The following KIF25 variants were observed in gnomAD, a reference collection of about 807,000 sequenced individuals.
The protein encoded by KIF25 is kinesin-like protein KIF25.
A neutral mutation model predicts 32.9 loss-of-function variants in KIF25; 19 were observed. The observed-to-expected ratio is 0.58, with a 90% CI of 0.40 to 0.85. The LOEUF is 0.85. Among genes scored for constraint, KIF25 ranks in the 40% least tolerant of loss-of-function variants. KIF25 has a pLI of 0.00. For missense variants in KIF25, 485 were observed against 507.0 expected (o/e 0.96, Z 0.42); for synonymous variants, 225 against 213.7 (o/e 1.05, Z -0.46).
chr6:168,040,564 T>TAA (rs552500284), intron 10 of KIF25, among the ~76,000 whole-genome samples: 41 of 146,130 alleles, frequency 2.8e-4, no homozygotes, highest in African/African-American at 9.7e-4. Context: ...AAAACTCTGT[T>TAA]AAAAAAAAAA....
At chr6:168,040,996 C>T (rs1157020080) in intron 10 of KIF25, among the ~76,000 whole-genome samples, 1 of 152,190 alleles carries the variant, frequency 6.6e-6, no homozygotes, top group Non-Finnish European at 1.5e-5. Context: ...AGACACCACC[C>T]ATGCTCAGGT....
chr6:168,001,194 C>T (rs1297951711), intron 2 of KIF25, among the ~76,000 whole-genome samples: 3 of 152,160 alleles, frequency 2.0e-5, no homozygotes, highest in African/African-American at 7.2e-5. Flanking sequence ...AGAAGTGTTT[C>T]CGATGTTGAA....
chr6:168,022,203 A>G (rs1798796272), intron 5 of KIF25, among the ~76,000 whole-genome samples: 1 of 152,180 alleles, frequency 6.6e-6, no homozygotes, highest in South Asian at 2.1e-4. Context: ...TTTTGAGATG[A>G]TCGCCTTCCT....
intron 7 of KIF25, among the ~76,000 whole-genome samples, chr6:168,031,081 C>T (rs1280165401): frequency 6.6e-6 from 1 of 152,174 alleles, no homozygotes; most frequent in East Asian, 1.9e-4. Flanking sequence ...AGCATATCCA[C>T]CTGGGATTCC....
chr6:168,019,787 G>A (rs945774528), intron 5 of KIF25, among the ~76,000 whole-genome samples: 2 of 152,206 alleles, frequency 1.3e-5, no homozygotes, highest in African/African-American at 4.8e-5. Context: ...CAAATACAGC[G>A]GGAGTTGCAG....
intron 11 of KIF25, 142 bp downstream of exon 11, chr6:168,042,293 T>C: frequency 1.0e-6 from 1 of 955,806 alleles, no homozygotes; most frequent in African/African-American, 1.7e-5. Context: ...CCAAATCCCG[T>C]TACATTCTCA....
intron 12 of KIF25, 132 bp from the exon 13 acceptor site, chr6:168,044,695 T>A: frequency 2.3e-6 from 2 of 887,028 alleles, no homozygotes; most frequent in Non-Finnish European, 3.4e-6. Context: ...CTGCCAGACG[T>A]GGCCACTTTC....
chr6:168,024,878 T>C (rs1798838788), intron 5 of KIF25, among the ~76,000 whole-genome samples: 1 of 151,862 alleles, frequency 6.6e-6, no homozygotes, highest in East Asian at 2.0e-4. Context: ...TGGTGAAACC[T>C]CATCTCTACT....
At chr6:168,021,608 A>C (rs879621120) in intron 5 of KIF25, among the ~76,000 whole-genome samples, 1 of 152,344 alleles carries the variant, frequency 6.6e-6, no homozygotes, top group East Asian at 1.9e-4. Flanking sequence ...ATCTGGTGCA[A>C]CCATCACCAC....
At chr6:168,025,776 C>T (rs558548475) in intron 5 of KIF25, among the ~76,000 whole-genome samples, 1 of 152,162 alleles carries the variant, frequency 6.6e-6, no homozygotes, top group East Asian at 1.9e-4. Flanking sequence ...AAAGTAGGGT[C>T]GGATTAGGAA....
At chr6:168,029,840 C>T (rs1798916410) in intron 6 of KIF25, among the ~76,000 whole-genome samples, 163 bp downstream of exon 6, 1 of 152,088 alleles carries the variant, frequency 6.6e-6, no homozygotes, top group Non-Finnish European at 1.5e-5. Flanking sequence ...ACAGTGCTCA[C>T]CACACCCTCT....
chr6:168,011,656 T>C (rs957383), intron 4 of KIF25, among the ~76,000 whole-genome samples: 2,028 of 152,354 alleles, frequency 0.013, 53 homozygotes, highest in African/African-American at 0.046. Context: ...TTTCCTACAA[T>C]GTGCCTTGGA....
At chr6:168,026,303 G>A (rs188359830) in intron 5 of KIF25, among the ~76,000 whole-genome samples, 80 of 152,276 alleles carry the variant, frequency 5.3e-4, no homozygotes, top group African/African-American at 1.7e-3. Flanking sequence ...ATATGAATAC[G>A]CTGAGGGTCG....
At chr6:168,031,480 G>A (rs778254425) in intron 7 of KIF25, among the ~76,000 whole-genome samples, 7 of 152,208 alleles carry the variant, frequency 4.6e-5, no homozygotes, top group African/African-American at 7.2e-5. Context: ...CCTAGAAACT[G>A]TAATTACACA....
rs567795597 is a variant in KIF25 at position 168,019,312 on chromosome 6, G to A, written c.-95+1272G>A. Among the ~76,000 whole-genome samples, 9 of 152,332 alleles carry A rather than the reference G, an allele frequency of 5.9e-5. No homozygotes were observed. In the East Asian group the frequency reaches 1.7e-3, roughly 29 times the overall value. On this transcript the variant is annotated intron_variant, in intron 5 of 12. Transcript: ENST00000643607. ...TGAGAAAACTCAGGCAACGGAAATA[G>A]AGCGAGAAATAACACAAATGATAGA... is the stretch of plus-strand genomic sequence containing the variant.
chr6:168,004,023 TG>T (rs1303421700), intron 4 of KIF25, among the ~76,000 whole-genome samples: 2 of 152,154 alleles, frequency 1.3e-5, no homozygotes, highest in Non-Finnish European at 1.5e-5. Context: ...ATATCATGGG[TG>T]AACTTTGTGA....
At chr6:168,028,688 A>C (rs1798898909) in intron 5 of KIF25, among the ~76,000 whole-genome samples, 1 of 152,166 alleles carries the variant, frequency 6.6e-6, no homozygotes, top group Admixed American at 6.5e-5. Flanking sequence ...CTTTGGAAAA[A>C]CTGGCATCTT....
chr6:168,019,121 G>T (rs454629), intron 5 of KIF25, among the ~76,000 whole-genome samples: 57,669 of 152,062 alleles, frequency 0.38, 11,091 homozygotes, highest in South Asian at 0.42. Context: ...GCCTCGAGGG[G>T]TCAAGTTGTT....
intron 4 of KIF25, among the ~76,000 whole-genome samples, chr6:168,010,837 T>C (rs1798638245): frequency 6.6e-6 from 1 of 152,170 alleles, no homozygotes; most frequent in South Asian, 2.1e-4. Context: ...TCTTGCTGAA[T>C]TGATCCCTTT....
Sources: gnomAD v4.1 joint callset for allele counts (sites outside exome capture counted in the v4.1 genomes callset) on GRCh38, gnomAD v4.1.1 for gene constraint, MANE v1.5 for transcripts, NCBI Gene and HGNC (gene_info 2026-07-23, HGNC 2026-07-21) for gene names.